The following RPTOR variants were observed in gnomAD, a reference collection of about 807,000 sequenced individuals.
The protein encoded by RPTOR is regulatory-associated protein of mTOR.
In RPTOR, 21 loss-of-function variants were observed where a neutral mutation model predicts 169.9. That is an observed-to-expected ratio of 0.12 (90% CI 0.09 to 0.18). The LOEUF (loss-of-function observed/expected upper bound fraction) is 0.18. Among genes scored for constraint, RPTOR ranks in the 10% least tolerant of loss-of-function variants. The pLI is 1.00. For missense variants in RPTOR, 1,133 were observed against 1,855.9 expected, an observed-to-expected ratio of 0.61 and a Z score of 7.16; for synonymous variants, 732 against 753.2, an observed-to-expected ratio of 0.97 and a Z score of 0.46.
At chr17:80,793,586 C>G (rs890394176) in intron 7 of RPTOR, among the ~76,000 whole-genome samples, 1 of 152,188 alleles carries the variant, frequency 6.6e-6, no homozygotes, top group Non-Finnish European at 1.5e-5. Context: ...TGTCTCGTCT[C>G]CATCCTGGAT....
intron 17 of RPTOR, among the ~76,000 whole-genome samples, chr17:80,891,433 G>A (rs564622735): frequency 1.0e-3 from 153 of 152,318 alleles, no homozygotes; most frequent in Non-Finnish European, 1.8e-3. Context: ...GTGACTCACC[G>A]TGTCCTTACG....
intron 32 of RPTOR, 131 bp from the exon 33 acceptor site, chr17:80,962,797 G>A (rs2069361978): frequency 6.8e-7 from 1 of 1,466,934 alleles, no homozygotes; most frequent in East Asian, 2.4e-5. Context: ...AGTGACCAGA[G>A]GGTCACACCT....
chr17:80,958,307 G>C (rs915269124), intron 29 of RPTOR, among the ~76,000 whole-genome samples: 2 of 151,204 alleles, frequency 1.3e-5, no homozygotes, highest in Admixed American at 6.6e-5. Flanking sequence ...GCCCAAGCTG[G>C]TCTCGAATTC....
At chr17:80,799,825 GCAGGCTGCAGGTGC>G (rs1478053650) in intron 7 of RPTOR, among the ~76,000 whole-genome samples, 8 of 152,170 alleles carry the variant, frequency 5.3e-5, no homozygotes, top group African/African-American at 1.9e-4. Flanking sequence ...GGTCCTGAGT[GCAGGCTGCAGGTGC>G]CAGGTGGTGA....
chr17:80,881,613 G>T (rs1180561374), intron 14 of RPTOR, among the ~76,000 whole-genome samples: 1 of 152,228 alleles, frequency 6.6e-6, no homozygotes, highest in Non-Finnish European at 1.5e-5. Context: ...GAGCTCGGGA[G>T]TTCGAGACCA....
chr17:80,866,201 T>C (rs2067988566), intron 13 of RPTOR, among the ~76,000 whole-genome samples: 1 of 149,434 alleles, frequency 6.7e-6, no homozygotes. Context: ...ATAATGTACA[T>C]ATAATTATAA....
intron 4 of RPTOR, among the ~76,000 whole-genome samples, chr17:80,723,803 A>C (rs1026464358): frequency 8.6e-5 from 13 of 151,418 alleles, no homozygotes; most frequent in African/African-American, 3.2e-4. Context: ...TTTAATGACT[A>C]AACAGGAGGT....
At chr17:80,641,249 A>T (rs1458349691) in intron 2 of RPTOR, among the ~76,000 whole-genome samples, 1 of 152,200 alleles carries the variant, frequency 6.6e-6, no homozygotes, top group Non-Finnish European at 1.5e-5. Context: ...GATTATAACA[A>T]ATTTACCACA....
chr17:80,620,003 G>A (rs1168616585), intron 1 of RPTOR, among the ~76,000 whole-genome samples: 1 of 152,124 alleles, frequency 6.6e-6, no homozygotes, highest in Non-Finnish European at 1.5e-5. Flanking sequence ...CCTTTAGTGG[G>A]TGCCTCCAGG....
intron 5 of RPTOR, among the ~76,000 whole-genome samples, chr17:80,739,223 A>G (rs909660148): frequency 5.3e-5 from 3 of 56,084 alleles, no homozygotes; most frequent in African/African-American, 2.2e-4. Flanking sequence ...TCCTGGTGGC[A>G]CAGGGCAGTG....
chr17:80,950,882 G>A (rs1403712060), intron 28 of RPTOR, among the ~76,000 whole-genome samples: 4 of 152,226 alleles, frequency 2.6e-5, no homozygotes, highest in African/African-American at 9.6e-5. Flanking sequence ...AGAGGCAGTG[G>A]TGCCATGGAA....
At chr17:80,918,485 A>AG (rs1431412456) in intron 21 of RPTOR, among the ~76,000 whole-genome samples, 5 of 103,732 alleles carry the variant, frequency 4.8e-5, no homozygotes, top group African/African-American at 7.1e-5. Flanking sequence ...CATAGCCACG[A>AG]GCACCCTCGC....
intron 24 of RPTOR, among the ~76,000 whole-genome samples, chr17:80,931,215 C>T (rs1296694794): frequency 6.6e-6 from 1 of 152,152 alleles, no homozygotes; most frequent in Non-Finnish European, 1.5e-5. Flanking sequence ...AAGAAAAGGG[C>T]AGAAAAGCTA....
At position 80,861,889 on chromosome 17, in the gene RPTOR, G is replaced by A. The variant is rs534513875; in HGVS notation, c.1509+3989G>A. Among the ~76,000 whole-genome samples the A allele has an allele frequency of 3.9e-5, 6 of 152,240 alleles. No homozygotes were observed. In the South Asian group the frequency reaches 8.3e-4, roughly 21 times the overall value. On this transcript the variant is annotated intron_variant, in intron 13 of 33. Transcript: ENST00000306801. The surrounding 1 kb of genome is among the most constrained non-coding windows in gnomAD (Gnocchi z 4.5). ...GGACAGCCTTCCTCGTACCTTCCTCGTGACATTCTCACTGCATCCACAGCC... is the reference window on the plus strand; with the variant it reads ...GGACAGCCTTCCTCGTACCTTCCTCATGACATTCTCACTGCATCCACAGCC...
At chr17:80,881,879 A>G (rs2068189898) in intron 14 of RPTOR, among the ~76,000 whole-genome samples, 2 of 152,238 alleles carry the variant, frequency 1.3e-5, no homozygotes, top group African/African-American at 2.4e-5. Flanking sequence ...AGAATTTGCT[A>G]TGATTCTGTC....
At chr17:80,833,254 A>C (rs964538964) in intron 9 of RPTOR, among the ~76,000 whole-genome samples, 13 of 152,260 alleles carry the variant, frequency 8.5e-5, no homozygotes, top group Non-Finnish European at 1.6e-4. Context: ...CATGTTTTCC[A>C]GGCGAGTGAC....
chr17:80,932,146 CAT>C (rs57950527), intron 24 of RPTOR, among the ~76,000 whole-genome samples: 78 of 145,654 alleles, frequency 5.4e-4, no homozygotes, highest in Admixed American at 4.1e-4. Flanking sequence ...TCCAGGCATG[CAT>C]ATATATATAT....
chr17:80,556,908 A>G (rs1452076931), intron 1 of RPTOR, among the ~76,000 whole-genome samples: 1 of 152,182 alleles, frequency 6.6e-6, no homozygotes, highest in East Asian at 1.9e-4. Flanking sequence ...AGCCTGCCCA[A>G]CATGGCGAAA....
chr17:80,666,878 G>A (rs1157395530), intron 3 of RPTOR, among the ~76,000 whole-genome samples: 3 of 152,136 alleles, frequency 2.0e-5, no homozygotes, highest in Admixed American at 1.3e-4. Flanking sequence ...GAAGCCATGC[G>A]AATTACTGCC....
Sources: allele counts gnomAD v4.1 joint callset (sites outside exome capture counted in the v4.1 genomes callset), GRCh38; gene constraint gnomAD v4.1.1; non-coding constraint Gnocchi (gnomAD v3.1); transcripts MANE v1.5; gene names NCBI Gene and HGNC (gene_info 2026-07-23, HGNC 2026-07-21).